The following CNTN3 variants were observed in gnomAD, a reference collection of about 807,000 sequenced individuals.
The protein encoded by CNTN3 is contactin 3, also known as contactin-3.
CNTN3 carries 60 observed loss-of-function variants against 119.1 expected under a neutral mutation model. That is an observed-to-expected ratio of 0.50 (90% CI 0.41 to 0.62). CNTN3 has a LOEUF of 0.62. CNTN3 is among the 20% of genes least tolerant of loss of function. CNTN3 has a pLI of 0.00. For synonymous variants in CNTN3, 450 were observed against 438.7 expected (o/e 1.03, Z -0.32); for missense variants, 1,101 against 1,242.4 (o/e 0.89, Z 1.71).
At position 74,263,386 on chromosome 3, in the gene CNTN3, T is replaced by C. The variant is rs933956715; in HGVS notation, c.*1015A>G. Reference sequence around the variant, plus strand: ...AGGGTCCCTTAATGGAATTGGAAATTGAAATGAGGGATTATGTGGATTTTG... The same window carrying C: ...AGGGTCCCTTAATGGAATTGGAAATCGAAATGAGGGATTATGTGGATTTTG... On this transcript the variant is annotated 3_prime_UTR_variant, in exon 23 of 23. Coordinates refer to ENST00000263665, the MANE Select transcript of CNTN3 (RefSeq NM_020872.3). 7 of 152,104 alleles carry C rather than the reference T, an allele frequency of 4.6e-5. No homozygotes were observed. Among genetic ancestry groups the C allele is most frequent in the African/African-American group, 1.4e-4 (6 of 41,418 alleles). The allele number at this position is 152,104 out of a possible 1,614,324, so 9.4% of individuals were successfully genotyped here. A position where few individuals can be genotyped will look rare whatever the true frequency, so the allele number is the denominator to read the frequency against.
chr3:74,513,540 G>C (rs1182583632), intron 2 of CNTN3, among the ~76,000 whole-genome samples: 2 of 151,854 alleles, frequency 1.3e-5, no homozygotes, highest in Admixed American at 6.6e-5. Flanking sequence ...AAAGTTCAGG[G>C]AATATGGTTT....
chr3:74,450,566 G>C (rs149524866), intron 4 of CNTN3, among the ~76,000 whole-genome samples: 2 of 150,554 alleles, frequency 1.3e-5, no homozygotes, highest in African/African-American at 4.9e-5. Flanking sequence ...CAATGTGCAG[G>C]TTAGTTACAT....
At chr3:74,452,785 TG>T (rs1484142720) in intron 4 of CNTN3, among the ~76,000 whole-genome samples, 2 of 151,536 alleles carry the variant, frequency 1.3e-5, no homozygotes, top group South Asian at 4.2e-4. Flanking sequence ...ATGTGGTTTT[TG>T]TCTTTGGTTC....
chr3:74,346,733 ACATCCATC>A (rs61572054), intron 11 of CNTN3, among the ~76,000 whole-genome samples: 47,828 of 144,254 alleles, frequency 0.33, 8,281 homozygotes, highest in Admixed American at 0.41. Context: ...ATCTCATTTG[ACATCCATC>A]CATCCATCCA....
intron 22 of CNTN3, among the ~76,000 whole-genome samples, chr3:74,265,254 G>T (rs998768297): frequency 6.6e-6 from 1 of 152,138 alleles, no homozygotes; most frequent in Non-Finnish European, 1.5e-5. Context: ...GACAGCAGAT[G>T]TCAGATGAAA....
At chr3:74,461,213 G>A (rs1702361510) in intron 4 of CNTN3, among the ~76,000 whole-genome samples, 1 of 151,888 alleles carries the variant, frequency 6.6e-6, no homozygotes, top group Admixed American at 6.6e-5. Context: ...GAACAATTTG[G>A]TCATGATGTA....
intron 5 of CNTN3, among the ~76,000 whole-genome samples, chr3:74,423,835 G>A (rs888314598): frequency 6.6e-6 from 1 of 152,252 alleles, no homozygotes; most frequent in East Asian, 1.9e-4. Flanking sequence ...GATGGTTCAC[G>A]AATTTCAAGT....
chr3:74,531,278 G>C (rs1703689515), intron 1 of CNTN3, among the ~76,000 whole-genome samples: 1 of 151,728 alleles, frequency 6.6e-6, no homozygotes, highest in Non-Finnish European at 1.5e-5. Context: ...AGTGGGTGGG[G>C]CTACCTGAGT....
At position 74,518,731 on chromosome 3, in the gene CNTN3, G is replaced by A. The variant is rs148556477; in HGVS notation, c.55+2327C>T. ...AAGCATTCCTTAATCACTATTAAGG[G>A]AAGACTAGTACAGAAATTCATTCAC... On this transcript the variant is annotated intron_variant, in intron 2 of 22. Coordinates refer to ENST00000263665, the MANE Select transcript of CNTN3 (RefSeq NM_020872.3). 8.2e-3 allele frequency among the ~76,000 whole-genome samples: 1,254 copies of A among 152,012 alleles called. 9 individuals are homozygous for A. The highest frequency in any genetic ancestry group is 0.013 in the Non-Finnish European group (895 of 67,904).
intron 11 of CNTN3, among the ~76,000 whole-genome samples, chr3:74,360,243 G>C (rs1288350356): frequency 6.6e-6 from 1 of 152,138 alleles, no homozygotes; most frequent in Non-Finnish European, 1.5e-5. Flanking sequence ...CACATTTCTT[G>C]GCCTAAGGTT....
chr3:74,368,912 G>A (rs1265312045), intron 8 of CNTN3, among the ~76,000 whole-genome samples: 4 of 152,054 alleles, frequency 2.6e-5, no homozygotes, highest in African/African-American at 9.6e-5. Flanking sequence ...TTAAGTGTGT[G>A]AGAGGTTATT....
intron 1 of CNTN3, among the ~76,000 whole-genome samples, chr3:74,586,501 T>G (rs1201749543): frequency 6.6e-6 from 1 of 152,148 alleles, no homozygotes; most frequent in Admixed American, 6.6e-5. Context: ...ATCAAGTGAT[T>G]GCTTTATAAT....
intron 1 of CNTN3, among the ~76,000 whole-genome samples, chr3:74,579,496 T>C (rs528913897): frequency 1.3e-5 from 2 of 152,146 alleles, no homozygotes; most frequent in African/African-American, 4.8e-5. Context: ...ATGTAGAACA[T>C]TCACCAAGAC....
chr3:74,277,169 G>A (rs1403228773), intron 20 of CNTN3, among the ~76,000 whole-genome samples: 1 of 152,044 alleles, frequency 6.6e-6, no homozygotes, highest in East Asian at 1.9e-4. Flanking sequence ...AAGTTCAGGA[G>A]CAGAAGGATT....
chr3:74,549,534 G>A (rs956992227), intron 1 of CNTN3, among the ~76,000 whole-genome samples: 10 of 152,028 alleles, frequency 6.6e-5, no homozygotes, highest in African/African-American at 2.4e-4. Flanking sequence ...AGATTCAAAG[G>A]TCTGCCTCCT....
intron 1 of CNTN3, among the ~76,000 whole-genome samples, chr3:74,601,281 G>T (rs1312912376): frequency 2.0e-5 from 3 of 151,934 alleles, no homozygotes; most frequent in African/African-American, 4.8e-5. Flanking sequence ...CAGTTAATTT[G>T]CCCAAGGTAA....
chr3:74,603,037 G>T (rs1460612498), intron 1 of CNTN3, among the ~76,000 whole-genome samples: 2 of 152,060 alleles, frequency 1.3e-5, no homozygotes. Flanking sequence ...TTGCAACTGA[G>T]GTCTCAGCTG....
chr3:74,530,409 AG>A (rs1225647387), intron 1 of CNTN3, among the ~76,000 whole-genome samples: 1 of 151,940 alleles, frequency 6.6e-6, no homozygotes, highest in Non-Finnish European at 1.5e-5. Flanking sequence ...GATTTGAGAA[AG>A]GGGTGACTTT....
At chr3:74,573,285 TTTC>T (rs1704363293) in intron 1 of CNTN3, among the ~76,000 whole-genome samples, 1 of 151,212 alleles carries the variant, frequency 6.6e-6, no homozygotes, top group African/African-American at 2.4e-5. Flanking sequence ...TGAAGAGTGC[TTTC>T]TTTTTTTTTT....
Sources: allele counts gnomAD v4.1 joint callset (sites outside exome capture counted in the v4.1 genomes callset), GRCh38; gene constraint gnomAD v4.1.1; transcripts MANE v1.5; gene names NCBI Gene and HGNC (gene_info 2026-07-23, HGNC 2026-07-21).